MRPS6: variants seen among roughly 807,000 people sequenced by gnomAD.
MRPS6 encodes the protein mitochondrial ribosomal protein S6.
Under a neutral mutation model 13.1 loss-of-function variants are expected in MRPS6, and 6 were observed. The ratio of observed to expected loss-of-function variants is 0.46; its 90% confidence interval spans 0.25 to 0.91. The LOEUF (loss-of-function observed/expected upper bound fraction) is 0.91. MRPS6 is among the 40% of genes least tolerant of loss of function. The pLI is 0.18. For missense variants in MRPS6, 164 were observed against 155.6 expected (o/e 1.05, Z -0.29); for synonymous variants, 61 against 56.5 (o/e 1.08, Z -0.36).
intron 1 of MRPS6, among the ~76,000 whole-genome samples, chr21:34,110,633 G>C (rs1310423582): frequency 6.6e-6 from 1 of 152,180 alleles, no homozygotes; most frequent in African/African-American, 2.4e-5. Flanking sequence ...TGGTAGTTAT[G>C]TTTTGTAAAT....
chr21:34,118,390 T>G (rs1980003365), intron 1 of MRPS6, among the ~76,000 whole-genome samples: 2 of 152,102 alleles, frequency 1.3e-5, no homozygotes, highest in African/African-American at 4.8e-5. Flanking sequence ...TCCAATATAT[T>G]TATTGAATAA....
At chr21:34,077,683 G>A (rs951255282) in intron 1 of MRPS6, among the ~76,000 whole-genome samples, 86 of 152,164 alleles carry the variant, frequency 5.7e-4, no homozygotes, top group African/African-American at 1.9e-3. Flanking sequence ...AATACTCAAC[G>A]CAGATTATAT....
chr21:34,138,184 A>C (rs1205637418), intron 2 of MRPS6, among the ~76,000 whole-genome samples: 2 of 150,366 alleles, frequency 1.3e-5, no homozygotes, highest in African/African-American at 4.9e-5. Context: ...AGGTTGCGAA[A>C]ATTTTCTCCC....
intron 2 of MRPS6, among the ~76,000 whole-genome samples, chr21:34,139,128 T>C (rs1330551184): frequency 1.4e-5 from 2 of 138,954 alleles, no homozygotes; most frequent in Non-Finnish European, 3.0e-5. Flanking sequence ...TAGGTGGGAA[T>C]TGAACATTGA....
intron 1 of MRPS6, chr21:34,098,590 G>C (rs1979081403): frequency 1.0e-6 from 1 of 1,000,118 alleles, no homozygotes; most frequent in Admixed American, 6.2e-5. Context: ...TGCATACTTT[G>C]CTGTTGTTAG....
intron 1 of MRPS6, among the ~76,000 whole-genome samples, chr21:34,083,736 G>A (rs1219901227): frequency 6.6e-6 from 1 of 152,182 alleles, no homozygotes; most frequent in Non-Finnish European, 1.5e-5. Flanking sequence ...AGCACTGTTG[G>A]TCTCATGGGA....
In MRPS6 at chr21:34,113,131, C is replaced by T. The variant is rs80313910; in HGVS notation, c.46-12210C>T. Among the ~76,000 whole-genome samples the T allele has an allele frequency of 1.4e-3, 211 of 152,210 alleles. 6 individuals are homozygous for T. In the East Asian group the frequency reaches 0.032, roughly 23 times the overall value. On this transcript the variant is annotated intron_variant, in intron 1 of 2. Transcript: ENST00000399312. Reference sequence around the variant, plus strand: ...ATGGAGAAAAGGAACTGTTGCACACCGTTGGTGGGAATAAATTAGTACAGC... The same window carrying T: ...ATGGAGAAAAGGAACTGTTGCACACTGTTGGTGGGAATAAATTAGTACAGC...
chr21:34,109,244 A>G (rs1979602974), intron 1 of MRPS6, among the ~76,000 whole-genome samples: 1 of 151,878 alleles, frequency 6.6e-6, no homozygotes, highest in Non-Finnish European at 1.5e-5. Flanking sequence ...TTCTGTGTTA[A>G]TCTTCCATGT....
At chr21:34,085,507 G>T (rs1011142784) in intron 1 of MRPS6, among the ~76,000 whole-genome samples, 1 of 151,878 alleles carries the variant, frequency 6.6e-6, no homozygotes, top group Non-Finnish European at 1.5e-5. Context: ...TTTAGCATCT[G>T]TTGGTGACTG....
At chr21:34,105,760 G>T (rs941981887) in intron 1 of MRPS6, 9 of 997,590 alleles carry the variant, frequency 9.0e-6, no homozygotes, top group Middle Eastern at 5.2e-4. Flanking sequence ...TAATTTTAAG[G>T]TTTGACTAAT....
intron 1 of MRPS6, among the ~76,000 whole-genome samples, chr21:34,082,218 A>T (rs1179970973): frequency 1.3e-5 from 2 of 152,156 alleles, no homozygotes; most frequent in African/African-American, 4.8e-5. Context: ...GACAAAGCCC[A>T]CCTTGTTAAT....
chr21:34,081,397 A>T (rs1461699310), intron 1 of MRPS6, among the ~76,000 whole-genome samples: 3 of 152,200 alleles, frequency 2.0e-5, no homozygotes, highest in Non-Finnish European at 2.9e-5. Context: ...AGGTACGTAT[A>T]TATAGTTTTA....
At chr21:34,127,961 G>A (rs1220712994) in intron 2 of MRPS6, among the ~76,000 whole-genome samples, 3 of 152,222 alleles carry the variant, frequency 2.0e-5, no homozygotes, top group Non-Finnish European at 4.4e-5. Flanking sequence ...ACGGCAAGGC[G>A]CTGATTTGAA....
intron 1 of MRPS6, chr21:34,103,960 T>C: frequency 1.0e-6 from 1 of 1,000,188 alleles, no homozygotes; most frequent in Non-Finnish European, 1.2e-6. Context: ...TTTTAAGCTG[T>C]AGTGTGATTG....
chr21:34,081,436 C>T (rs540674026), intron 1 of MRPS6, among the ~76,000 whole-genome samples: 6 of 152,244 alleles, frequency 3.9e-5, no homozygotes, highest in African/African-American at 1.4e-4. Flanking sequence ...GGTATGAAGG[C>T]TTCTGCTTTA....
At chr21:34,074,540 G>C (rs1429271210) in intron 1 of MRPS6, among the ~76,000 whole-genome samples, 5 of 152,164 alleles carry the variant, frequency 3.3e-5, no homozygotes. Flanking sequence ...GTGACGGCGT[G>C]GCCAAGGACA....
chr21:34,096,342 A>G lies in MRPS6; in HGVS notation c.45+22597A>G, dbSNP rs1322945890. On this transcript the variant is annotated intron_variant, in intron 1 of 2. Transcript: ENST00000399312. The surrounding 1 kb of genome is among the most constrained non-coding windows in gnomAD (Gnocchi z 5.9). ...AGCTCTGATGAGTGACTTAGACTCT[A>G]TCTTTAACAGTGCCAGTACCATATT... The G allele has an allele frequency of 4.3e-6, 7 of 1,614,010 alleles. No individual in the cohort carries two copies. Among genetic ancestry groups the G allele is most frequent in the Admixed American group, 1.7e-5 (1 of 59,984 alleles).
In MRPS6 at chr21:34,142,535, T is replaced by C. The variant is rs1407118088; in HGVS notation, c.313T>C (p.Cys105Arg). 1.2e-6 allele frequency: 2 copies of C among 1,613,394 alleles called. No individual in the cohort carries two copies. Among genetic ancestry groups the C allele is most frequent in the Non-Finnish European group, 1.7e-6 (2 of 1,179,812 alleles). Reference sequence around the variant, plus strand: ...CCCTCTGACCCAGGAACTAAAAGAATGTGAAGGGATTGTCCCAGTCCCACT... The same window carrying C: ...CCCTCTGACCCAGGAACTAAAAGAACGTGAAGGGATTGTCCCAGTCCCACT... ...KHPLTQELKE[C>R]EGIVPVPLAE... is the part of the protein sequence containing the mutation. The change falls in exon 3 of 3, where the codon TGT (cysteine) becomes CGT (arginine). Residue 105 changes from cysteine (C) to arginine (R), a missense_variant. Transcript: ENST00000399312.
chr21:34,126,420 T>C (rs1980306840), intron 2 of MRPS6, among the ~76,000 whole-genome samples: 1 of 152,272 alleles, frequency 6.6e-6, no homozygotes, highest in African/African-American at 2.4e-5. Flanking sequence ...TTAAACCTTC[T>C]GCCGTGCTGC....
Sources: allele counts gnomAD v4.1 joint callset (sites outside exome capture counted in the v4.1 genomes callset), GRCh38; gene constraint gnomAD v4.1.1; non-coding constraint Gnocchi (gnomAD v3.1); transcripts MANE v1.5; gene names NCBI Gene and HGNC (gene_info 2026-07-23, HGNC 2026-07-21).